The following CCSER1 variants were observed in gnomAD, a reference collection of about 807,000 sequenced individuals.
The protein encoded by CCSER1 is coiled-coil serine rich protein 1, also known as serine-rich coiled-coil domain-containing protein 1.
A neutral mutation model predicts 82.0 loss-of-function variants in CCSER1; 41 were observed. The ratio of observed to expected loss-of-function variants is 0.50; its 90% CI spans 0.39 to 0.65. CCSER1 has a LOEUF of 0.65. CCSER1 is among the 30% of genes least tolerant of loss of function. CCSER1 has a pLI of 0.00. For missense variants in CCSER1, 1,119 were observed against 1,064.2 expected, an observed-to-expected ratio of 1.05 and a Z score of -0.72; for synonymous variants, 414 against 383.9, an observed-to-expected ratio of 1.08 and a Z score of -0.92.
intron 4 of CCSER1, among the ~76,000 whole-genome samples, chr4:90,417,778 T>G (rs1304764496): frequency 2.6e-5 from 4 of 152,102 alleles, no homozygotes; most frequent in Non-Finnish European, 5.9e-5. Flanking sequence ...GGAGATAATT[T>G]TTGTTATTAA....
intron 10 of CCSER1, among the ~76,000 whole-genome samples, chr4:91,145,209 A>AT (rs1326062809): frequency 6.6e-6 from 1 of 152,080 alleles, no homozygotes; most frequent in Non-Finnish European, 1.5e-5. Flanking sequence ...TCGTTATGTA[A>AT]TGCTCTTCAT....
intron 10 of CCSER1, among the ~76,000 whole-genome samples, chr4:91,544,121 T>C (rs1215220834): frequency 6.6e-6 from 1 of 152,168 alleles, no homozygotes; most frequent in East Asian, 1.9e-4. Context: ...GCATGCGTCA[T>C]GTAGTTCTCG....
At chr4:90,138,242 A>T (rs984935435) in intron 1 of CCSER1, among the ~76,000 whole-genome samples, 2 of 152,142 alleles carry the variant, frequency 1.3e-5, no homozygotes, top group African/African-American at 4.8e-5. Context: ...CGTAGGCCAG[A>T]GTGCAGTGGC....
At chr4:91,148,349 C>A (rs961627996) in intron 10 of CCSER1, among the ~76,000 whole-genome samples, 2 of 151,956 alleles carry the variant, frequency 1.3e-5, no homozygotes, top group Admixed American at 6.6e-5. Context: ...GTTTTCGAAG[C>A]TGGAACTCTA....
intron 1 of CCSER1, among the ~76,000 whole-genome samples, chr4:90,278,755 T>C (rs568347318): frequency 6.6e-6 from 1 of 152,132 alleles, no homozygotes; most frequent in East Asian, 1.9e-4. Context: ...ACAGGTTCAT[T>C]CATACCTCAA....
intron 9 of CCSER1, among the ~76,000 whole-genome samples, chr4:90,935,918 G>A (rs912520423): frequency 6.6e-6 from 1 of 151,928 alleles, no homozygotes; most frequent in African/African-American, 2.4e-5. Flanking sequence ...GATGATCTCT[G>A]GTTTGTAGGA....
intron 3 of CCSER1, among the ~76,000 whole-genome samples, chr4:90,335,909 C>T (rs539140899): frequency 1.1e-4 from 16 of 152,290 alleles, no homozygotes; most frequent in African/African-American, 7.2e-5. Context: ...TGAGCCATCA[C>T]GCCCGACATA....
At chr4:91,434,271 T>G (rs932701876) in intron 10 of CCSER1, among the ~76,000 whole-genome samples, 2 of 152,062 alleles carry the variant, frequency 1.3e-5, no homozygotes, top group African/African-American at 4.8e-5. Context: ...GGTACTTAAT[T>G]TAGGAATATC....
At chr4:91,545,827 A>G (rs1221210718) in intron 10 of CCSER1, among the ~76,000 whole-genome samples, 1 of 152,114 alleles carries the variant, frequency 6.6e-6, no homozygotes, top group East Asian at 1.9e-4. Context: ...AAAATGTTGA[A>G]AACAGTGGTG....
At position 91,385,938 on chromosome 4, in the gene CCSER1, G is replaced by A. The variant is rs372107927; in HGVS notation, c.2218-212634G>A. Among the ~76,000 whole-genome samples the A allele has an allele frequency of 7.9e-5, 12 of 151,854 alleles. No individual in the cohort carries two copies. In the South Asian group the frequency reaches 1.5e-3, roughly 18 times the overall value. On this transcript the variant is annotated intron_variant, in intron 10 of 10. Coordinates refer to ENST00000509176, the MANE Select transcript of CCSER1 (RefSeq NM_001145065.2). ...TGTTTTTACATACATATAAATATAC[G>A]TGTATATCCATGTGTATTTATACAT...
chr4:90,640,864 G>C, intron 6 of CCSER1, among the ~76,000 whole-genome samples: 1 of 152,136 alleles, frequency 6.6e-6, no homozygotes, highest in East Asian at 1.9e-4. Flanking sequence ...GCTGAATTAT[G>C]AGTCAAACAT....
intron 4 of CCSER1, among the ~76,000 whole-genome samples, chr4:90,438,877 C>T (rs1021104133): frequency 3.3e-5 from 5 of 152,084 alleles, no homozygotes; most frequent in Non-Finnish European, 7.4e-5. Flanking sequence ...TCTTATTTGG[C>T]ACAGTGCAGA....
At chr4:91,251,883 G>A (rs1040487855) in intron 10 of CCSER1, among the ~76,000 whole-genome samples, 1 of 152,062 alleles carries the variant, frequency 6.6e-6, no homozygotes, top group African/African-American at 2.4e-5. Context: ...TCGAATCTGT[G>A]TGAGTAACAG....
chr4:90,266,051 T>G (rs1725176275), intron 1 of CCSER1, among the ~76,000 whole-genome samples: 1 of 152,166 alleles, frequency 6.6e-6, no homozygotes, highest in South Asian at 2.1e-4. Flanking sequence ...ATTATTTCAC[T>G]TACAACCATA....
At chr4:90,169,384 G>A (rs540912478) in intron 1 of CCSER1, among the ~76,000 whole-genome samples, 3 of 151,988 alleles carry the variant, frequency 2.0e-5, no homozygotes, top group Non-Finnish European at 4.4e-5. Context: ...GGGCTGAGAC[G>A]ATGGGGTTTT....
At chr4:90,451,411 G>A (rs543406420) in intron 4 of CCSER1, among the ~76,000 whole-genome samples, 3 of 152,262 alleles carry the variant, frequency 2.0e-5, no homozygotes, top group South Asian at 2.1e-4. Flanking sequence ...AGGGGGACAC[G>A]CCATTGACTG....
chr4:91,114,600 C>A (rs1726388126), intron 10 of CCSER1, among the ~76,000 whole-genome samples: 1 of 152,164 alleles, frequency 6.6e-6, no homozygotes, highest in Non-Finnish European at 1.5e-5. Context: ...TGAATGCGTG[C>A]ATTTGAATGG....
At chr4:91,489,796 A>AAT (rs1553945306) in intron 10 of CCSER1, among the ~76,000 whole-genome samples, 1 of 151,454 alleles carries the variant, frequency 6.6e-6, no homozygotes, top group Non-Finnish European at 1.5e-5. Flanking sequence ...TTAAAATAAA[A>AAT]AAAAGATTGA....
At chr4:90,940,584 T>G (rs1731477126) in intron 9 of CCSER1, among the ~76,000 whole-genome samples, 1 of 152,126 alleles carries the variant, frequency 6.6e-6, no homozygotes, top group African/African-American at 2.4e-5. Context: ...AGAACTGTTG[T>G]AATTTTTGTG....
Sources: allele counts gnomAD v4.1 joint callset (sites outside exome capture counted in the v4.1 genomes callset), GRCh38; gene constraint gnomAD v4.1.1; transcripts MANE v1.5; gene names NCBI Gene and HGNC (gene_info 2026-07-23, HGNC 2026-07-21).